ASTN2: variants seen among roughly 807,000 people sequenced by gnomAD.
The protein encoded by ASTN2 is astrotactin-2.
Under a neutral mutation model 139.8 loss-of-function variants are expected in ASTN2, and 54 were observed. The observed-to-expected ratio is 0.39, with a 90% CI of 0.31 to 0.48. ASTN2 has a LOEUF of 0.48. Among genes scored for constraint, ASTN2 ranks in the 20% least tolerant of loss-of-function variants. The pLI is 0.95. For synonymous variants in ASTN2, 756 were observed against 719.5 expected (o/e 1.05, Z -0.81); for missense variants, 1,565 against 1,725.1 (o/e 0.91, Z 1.64).
intron 2 of ASTN2, among the ~76,000 whole-genome samples, chr9:117,273,475 A>C (rs1423705326): frequency 3.3e-5 from 5 of 152,194 alleles, no homozygotes; most frequent in African/African-American, 7.2e-5. Flanking sequence ...AGTGCTGTAG[A>C]GATTAGATAA....
intron 20 of ASTN2, among the ~76,000 whole-genome samples, chr9:116,470,260 T>A (rs924537238): frequency 4.6e-5 from 7 of 151,760 alleles, no homozygotes; most frequent in Non-Finnish European, 1.0e-4. Context: ...CACTGAAGGA[T>A]GAATAGTGTT....
intron 2 of ASTN2, among the ~76,000 whole-genome samples, chr9:117,251,884 CA>C (rs1833548231): frequency 1.3e-5 from 2 of 152,158 alleles, no homozygotes; most frequent in South Asian, 4.1e-4. Context: ...AAGCCTCAGG[CA>C]GACTATCAGC....
intron 19 of ASTN2, among the ~76,000 whole-genome samples, chr9:116,603,505 A>T (rs1267771436): frequency 2.0e-5 from 3 of 152,216 alleles, no homozygotes; most frequent in African/African-American, 7.2e-5. Context: ...CAGAAAATCC[A>T]CAAAAACCCT....
intron 16 of ASTN2, among the ~76,000 whole-genome samples, chr9:116,683,982 G>C (rs748454691): frequency 1.3e-5 from 2 of 152,148 alleles, no homozygotes; most frequent in Admixed American, 1.3e-4. Flanking sequence ...CTTGTCTATA[G>C]TCCCTGTACA....
At chr9:117,279,944 T>G in intron 2 of ASTN2, among the ~76,000 whole-genome samples, 1 of 152,202 alleles carries the variant, frequency 6.6e-6, no homozygotes, top group South Asian at 2.1e-4. Context: ...GACTAATTTT[T>G]TTAATTTTTT....
At chr9:117,174,986 G>A (rs1162759126) in intron 3 of ASTN2, among the ~76,000 whole-genome samples, 1 of 151,886 alleles carries the variant, frequency 6.6e-6, no homozygotes, top group Admixed American at 6.6e-5. Context: ...AAGAGCATTA[G>A]AACAAGATAA....
At chr9:116,614,006 C>T (rs1044317072) in intron 19 of ASTN2, among the ~76,000 whole-genome samples, 6 of 152,182 alleles carry the variant, frequency 3.9e-5, no homozygotes, top group Non-Finnish European at 8.8e-5. Context: ...TCTTCTCAAG[C>T]TGATAAGCAA....
chr9:116,557,807 C>A (rs1852710226), intron 19 of ASTN2, among the ~76,000 whole-genome samples: 1 of 152,278 alleles, frequency 6.6e-6, no homozygotes, highest in South Asian at 2.1e-4. Flanking sequence ...ATGAAAGAGG[C>A]AGAGTGATAG....
intron 13 of ASTN2, among the ~76,000 whole-genome samples, chr9:116,803,481 AATATATATAT>A (rs1168011369): frequency 1.4e-3 from 115 of 80,028 alleles, no homozygotes; most frequent in Non-Finnish European, 1.9e-3. Flanking sequence ...AAGTTCGAAT[AATATATATAT>A]ATATATATAT....
At chr9:117,181,655 G>A (rs1380692041) in intron 3 of ASTN2, among the ~76,000 whole-genome samples, 1 of 152,192 alleles carries the variant, frequency 6.6e-6, no homozygotes, top group Admixed American at 6.5e-5. Context: ...GGTGCTTAAA[G>A]CAGGTCCTGT....
intron 10 of ASTN2, among the ~76,000 whole-genome samples, chr9:116,876,994 A>T (rs1449302399): frequency 1.3e-5 from 2 of 152,214 alleles, no homozygotes; most frequent in African/African-American, 4.8e-5. Flanking sequence ...TGGGGCTTAC[A>T]GTTGTTGGGA....
chr9:117,361,077 C>T (rs1829680584), intron 1 of ASTN2, among the ~76,000 whole-genome samples: 1 of 152,140 alleles, frequency 6.6e-6, no homozygotes, highest in Admixed American at 6.5e-5. Flanking sequence ...GCTTGCCACT[C>T]CTGTGACCTC....
intron 16 of ASTN2, among the ~76,000 whole-genome samples, chr9:116,717,524 A>G (rs935940781): frequency 1.3e-5 from 2 of 152,134 alleles, no homozygotes; most frequent in African/African-American, 2.4e-5. Flanking sequence ...TGATCCTACA[A>G]ATAACTGCAC....
chr9:117,027,791 C>T (rs1838131183), intron 6 of ASTN2, among the ~76,000 whole-genome samples: 1 of 152,154 alleles, frequency 6.6e-6, no homozygotes. Context: ...GTTATCCTAA[C>T]ATTTTAAATG....
chr9:116,706,586 C>T (rs1008905869), intron 16 of ASTN2, among the ~76,000 whole-genome samples: 6 of 151,910 alleles, frequency 3.9e-5, no homozygotes, highest in Non-Finnish European at 5.9e-5. Flanking sequence ...TCTATTTGGT[C>T]CTAATGTAAC....
At chr9:116,721,494 A>G (rs532667456) in intron 16 of ASTN2, among the ~76,000 whole-genome samples, 2 of 152,330 alleles carry the variant, frequency 1.3e-5, no homozygotes, top group African/African-American at 4.8e-5. Flanking sequence ...AAGAGCACAG[A>G]AGCATGTAAT....
At chr9:116,795,228 T>A (rs911017349) in intron 13 of ASTN2, among the ~76,000 whole-genome samples, 6 of 152,178 alleles carry the variant, frequency 3.9e-5, no homozygotes, top group African/African-American at 1.2e-4. Flanking sequence ...TCCACCCGCC[T>A]CGGCTTCCCA....
chr9:116,808,584 T>C (rs1278264771), intron 12 of ASTN2, among the ~76,000 whole-genome samples: 1 of 152,218 alleles, frequency 6.6e-6, no homozygotes, highest in East Asian at 1.9e-4. Flanking sequence ...ATGGGCACTT[T>C]AGCTGTTTAT....
intron 4 of ASTN2, among the ~76,000 whole-genome samples, chr9:117,098,484 T>A (rs1347247762): frequency 6.6e-6 from 1 of 152,064 alleles, no homozygotes; most frequent in African/African-American, 2.4e-5. Flanking sequence ...TTCTAATGAG[T>A]GGGAAAGTAC....
Sources: gnomAD v4.1 joint callset for allele counts (sites outside exome capture counted in the v4.1 genomes callset) on GRCh38, gnomAD v4.1.1 for gene constraint, MANE v1.5 for transcripts, NCBI Gene and HGNC (gene_info 2026-07-23, HGNC 2026-07-21) for gene names.